Variants in STK24 observed in about 807,000 individuals in gnomAD.
STK24 encodes serine/threonine kinase 24.
Under a neutral mutation model 55.6 loss-of-function variants are expected in STK24, and 21 were observed. The observed-to-expected ratio is 0.38, with a 90% CI of 0.27 to 0.54. The LOEUF (loss-of-function observed/expected upper bound fraction) is 0.54, where lower values mean the gene tolerates loss of function less well. Among genes scored for constraint, STK24 ranks in the 20% least tolerant of loss-of-function variants. STK24 has a pLI of 0.79. For synonymous variants in STK24, 200 were observed against 215.2 expected (o/e 0.93, Z 0.62); for missense variants, 383 against 538.4 (o/e 0.71, Z 2.86).
At chr13:98,510,143 C>T (rs1895833558) in intron 2 of STK24, among the ~76,000 whole-genome samples, 1 of 152,202 alleles carries the variant, frequency 6.6e-6, no homozygotes, top group Admixed American at 6.5e-5. Flanking sequence ...CGTGTGGGAG[C>T]AAACAAGGTT....
At chr13:98,574,971 CCA>C in intron 1 of STK24, among the ~76,000 whole-genome samples, 1 of 152,230 alleles carries the variant, frequency 6.6e-6, no homozygotes, top group Admixed American at 6.5e-5. Context: ...GATTCGCTAT[CCA>C]CAAAGGCCAA....
intron 2 of STK24, among the ~76,000 whole-genome samples, chr13:98,499,894 T>C (rs754914174): frequency 1.3e-5 from 2 of 152,082 alleles, no homozygotes; most frequent in South Asian, 2.1e-4. Context: ...ACACGAAAAA[T>C]TGAGACAAAA....
intron 1 of STK24, among the ~76,000 whole-genome samples, chr13:98,575,404 T>TACACACACACACACACAC (rs143143374): frequency 6.8e-6 from 1 of 146,734 alleles, no homozygotes; most frequent in Non-Finnish European, 1.5e-5. Flanking sequence ...ACTGCTTATA[T>TACACACACACACACACAC]ATACACACAC....
At chr13:98,567,945 G>C (rs1160928225) in intron 1 of STK24, among the ~76,000 whole-genome samples, 3 of 80,142 alleles carry the variant, frequency 3.7e-5, no homozygotes, top group African/African-American at 6.3e-5. Flanking sequence ...AAAAAAAAAG[G>C]GGGGGGGTGG....
intron 1 of STK24, among the ~76,000 whole-genome samples, chr13:98,565,765 C>T (rs1202323186): frequency 2.0e-5 from 3 of 152,210 alleles, no homozygotes; most frequent in East Asian, 1.9e-4. Flanking sequence ...CATGCCCACC[C>T]TAAGGAGGTG....
At chr13:98,473,601 G>C (rs1007214792) in intron 5 of STK24, among the ~76,000 whole-genome samples, 4 of 152,184 alleles carry the variant, frequency 2.6e-5, no homozygotes, top group African/African-American at 9.7e-5. Flanking sequence ...GTGGGGTAGA[G>C]ACACTCCCAG....
intron 2 of STK24, among the ~76,000 whole-genome samples, chr13:98,508,442 A>C (rs1013749119): frequency 5.3e-5 from 8 of 152,234 alleles, no homozygotes; most frequent in Non-Finnish European, 7.3e-5. Context: ...GTATTTGCCT[A>C]CAAGTAAACC....
intron 5 of STK24, among the ~76,000 whole-genome samples, chr13:98,472,567 C>A (rs191670068): frequency 2.6e-5 from 4 of 152,074 alleles, no homozygotes; most frequent in Non-Finnish European, 4.4e-5. Context: ...AGTGTGCTGT[C>A]GTGATCACAG....
At chr13:98,480,163 A>AT (rs1894530985) in intron 3 of STK24, among the ~76,000 whole-genome samples, 1 of 152,238 alleles carries the variant, frequency 6.6e-6, no homozygotes, top group African/African-American at 2.4e-5. Context: ...ACTATGTGGG[A>AT]TTTTTTAAGT....
intron 2 of STK24, among the ~76,000 whole-genome samples, chr13:98,488,206 CGG>C (rs1393573456): frequency 2.0e-5 from 3 of 148,832 alleles, no homozygotes; most frequent in African/African-American, 5.0e-5. Flanking sequence ...CACACACACA[CGG>C]GAAGACCACA....
chr13:98,484,336 C>A (rs1305010696), intron 2 of STK24, among the ~76,000 whole-genome samples: 1 of 152,184 alleles, frequency 6.6e-6, no homozygotes. Context: ...CGTTTCTACT[C>A]CCACTCCCTT....
At chr13:98,483,262 C>A (rs1483087785) in intron 2 of STK24, among the ~76,000 whole-genome samples, 1 of 152,176 alleles carries the variant, frequency 6.6e-6, no homozygotes, top group African/African-American at 2.4e-5. Flanking sequence ...CTGGCCACGG[C>A]GAGCAGCCAA....
chr13:98,510,532 C>T (rs1895846219), intron 2 of STK24, among the ~76,000 whole-genome samples: 1 of 152,184 alleles, frequency 6.6e-6, no homozygotes, highest in Admixed American at 6.5e-5. Flanking sequence ...CCCAAATATC[C>T]ACCAACTGAT....
intron 1 of STK24, among the ~76,000 whole-genome samples, chr13:98,558,610 A>G (rs1897334555): frequency 6.6e-6 from 1 of 152,194 alleles, no homozygotes; most frequent in Non-Finnish European, 1.5e-5. Context: ...AGAACCAGGA[A>G]CTTAACTCTT....
At chr13:98,564,427 G>A (rs1316705773) in intron 1 of STK24, among the ~76,000 whole-genome samples, 3 of 152,206 alleles carry the variant, frequency 2.0e-5, no homozygotes, top group Non-Finnish European at 4.4e-5. Context: ...TGAGAATCCT[G>A]CAGTGGCTGA....
chr13:98,466,481 T>C lies in STK24; in HGVS notation c.678A>G (p.Lys226=). The change falls in exon 6 of 11, where the codon AAA becomes AAG. Residue 226 remains lysine (K), a synonymous_variant. Transcript: ENST00000539966. ...EPPHSELHPM[K]VLFLIPKNNP... ...TGTTCTTTGGAATGAGGAATAAAAC[T>C]TTCATGGGGTGCAGCTCGGAATGAG... 1 of 1,614,078 alleles carries C rather than the reference T, an allele frequency of 6.2e-7. No individual in the cohort carries two copies. Among genetic ancestry groups the C allele is most frequent in the Non-Finnish European group, 8.5e-7 (1 of 1,180,022 alleles).
chr13:98,505,792 A>C (rs1895660764), intron 2 of STK24, among the ~76,000 whole-genome samples: 1 of 152,234 alleles, frequency 6.6e-6, no homozygotes, highest in Admixed American at 6.5e-5. Flanking sequence ...GTTCTATTAT[A>C]TATCAACACA....
At chr13:98,550,088 G>A (rs770796928) in intron 1 of STK24, among the ~76,000 whole-genome samples, 23 of 152,254 alleles carry the variant, frequency 1.5e-4, no homozygotes, top group Admixed American at 3.9e-4. Context: ...TAGTGGCTAG[G>A]GTTGTAACAC....
intron 2 of STK24, among the ~76,000 whole-genome samples, chr13:98,517,585 G>A (rs1259441470): frequency 3.9e-5 from 6 of 151,992 alleles, no homozygotes; most frequent in African/African-American, 1.2e-4. Context: ...AACTGAGATC[G>A]CCCCACTACA....
Sources: gnomAD v4.1 joint callset for allele counts (sites outside exome capture counted in the v4.1 genomes callset) on GRCh38, gnomAD v4.1.1 for gene constraint, MANE v1.5 for transcripts, NCBI Gene and HGNC (gene_info 2026-07-23, HGNC 2026-07-21) for gene names.